The following TDRD9 variants were observed in gnomAD, a reference collection of about 807,000 sequenced individuals.
TDRD9 encodes ATP-dependent RNA helicase TDRD9.
A neutral mutation model predicts 172.6 loss-of-function variants in TDRD9; 124 were observed. The observed-to-expected ratio is 0.72, with a 90% confidence interval of 0.62 to 0.83. TDRD9 has a LOEUF of 0.83. Among genes scored for constraint, TDRD9 ranks in the 40% least tolerant of loss-of-function variants. TDRD9 has a pLI of 0.00. For synonymous variants in TDRD9, 619 were observed against 617.1 expected (o/e 1.00, Z -0.05); for missense variants, 1,479 against 1,714.1 (o/e 0.86, Z 2.42).
chr14:104,014,303 A>G (rs1415209856), intron 20 of TDRD9, among the ~76,000 whole-genome samples: 1 of 150,780 alleles, frequency 6.6e-6, no homozygotes, highest in Non-Finnish European at 1.5e-5. Flanking sequence ...TTTTGGAGAC[A>G]GAATCTTACT....
chr14:104,051,403 T>C (rs2035932800), intron 35 of TDRD9, among the ~76,000 whole-genome samples: 1 of 152,250 alleles, frequency 6.6e-6, no homozygotes, highest in African/African-American at 2.4e-5. Context: ...AATAGTGCTG[T>C]GGTGAATATG....
intron 35 of TDRD9, 193 bp downstream of exon 35, chr14:104,049,873 A>G (rs2035891726): frequency 5.6e-6 from 3 of 537,016 alleles, no homozygotes; most frequent in South Asian, 3.0e-5. Flanking sequence ...AGTGTCTTCT[A>G]TGTGATGTCC....
intron 2 of TDRD9, among the ~76,000 whole-genome samples, chr14:103,957,887 T>G (rs2032322896): frequency 6.6e-6 from 1 of 152,184 alleles, no homozygotes; most frequent in Non-Finnish European, 1.5e-5. Flanking sequence ...GAAGTGTCTG[T>G]TCTCATACTT....
Position 104,014,748 on chromosome 14 carries a change from G to GCC in TDRD9, c.2130_2131insCC (p.Lys711ProfsTer55), listed in dbSNP as rs762115498. 1 of 1,609,802 alleles carries GCC rather than the reference G, an allele frequency of 6.2e-7. No homozygotes were observed. Among genetic ancestry groups the GCC allele is most frequent in the African/African-American group, 1.3e-5 (1 of 74,850 alleles). On this transcript the variant is annotated frameshift_variant, in exon 21 of 36. Coordinates refer to ENST00000409874, the MANE Select transcript of TDRD9 (RefSeq NM_153046.3). LOFTEE classifies it high-confidence loss of function. ...AGGTGGCTGAATTATATGAAGAATTGAAGACTAGAATCTCACAGTTCAACA... is the reference window on the plus strand; with the variant it reads ...AGGTGGCTGAATTATATGAAGAATTGCCAAGACTAGAATCTCACAGTTCAACA...
chr14:103,976,841 A>G lies in TDRD9; in HGVS notation c.1011+1288A>G, dbSNP rs961303690. Among the ~76,000 whole-genome samples, 11 of 152,024 alleles carry G rather than the reference A, an allele frequency of 7.2e-5. No homozygotes were observed. In the South Asian group the frequency reaches 1.9e-3, roughly 26 times the overall value. On this transcript the variant is annotated intron_variant, in intron 7 of 35. Transcript: ENST00000409874. Reference sequence around the variant, plus strand: ...CTTTGCATTTTTGCCAGCATTTGTCATATTTTGTCTTTTATTTTTACTTAT... The same window carrying G: ...CTTTGCATTTTTGCCAGCATTTGTCGTATTTTGTCTTTTATTTTTACTTAT...
chr14:103,969,531 C>G (rs1434849906), intron 5 of TDRD9, among the ~76,000 whole-genome samples: 1 of 152,086 alleles, frequency 6.6e-6, no homozygotes, highest in African/African-American at 2.4e-5. Flanking sequence ...TTTTGTTTTT[C>G]TTTTCTCTAT....
chr14:104,044,652 A>T (rs555473591), intron 34 of TDRD9, among the ~76,000 whole-genome samples: 23 of 152,278 alleles, frequency 1.5e-4, no homozygotes, highest in African/African-American at 5.3e-4. Flanking sequence ...ATAATATTTC[A>T]TTGTTTGTTA....
intron 11 of TDRD9, among the ~76,000 whole-genome samples, chr14:103,995,399 G>A (rs898057383): frequency 6.6e-6 from 1 of 152,190 alleles, no homozygotes; most frequent in Admixed American, 6.5e-5. Flanking sequence ...TCTAGGGCAA[G>A]TACAGGCAAC....
chr14:103,953,335 A>G (rs2032040743), intron 1 of TDRD9, among the ~76,000 whole-genome samples: 1 of 152,180 alleles, frequency 6.6e-6, no homozygotes, highest in Non-Finnish European at 1.5e-5. Context: ...TGCACCTGGT[A>G]CACTGTTATT....
chr14:104,003,125 G>C (rs1428877964), intron 13 of TDRD9, among the ~76,000 whole-genome samples: 1 of 151,992 alleles, frequency 6.6e-6, no homozygotes, highest in African/African-American at 2.4e-5. Flanking sequence ...TGTTTATTTG[G>C]TCTCAGATCT....
chr14:104,035,198 G>T (rs1224478785), intron 32 of TDRD9, 142 bp downstream of exon 32: 5 of 623,294 alleles, frequency 8.0e-6, no homozygotes, highest in African/African-American at 1.9e-5. Context: ...GGTGAAGCCT[G>T]TATTGTTATT....
chr14:103,941,464 C>T (rs2031228504), intron 1 of TDRD9: 1 of 1,535,244 alleles, frequency 6.5e-7, no homozygotes, highest in African/African-American at 1.4e-5. Flanking sequence ...TGTCTTTGTT[C>T]AGTCACTGGG....
chr14:103,928,659 T>G lies in TDRD9; in HGVS notation c.150T>G (p.Ala50=), dbSNP rs1291258557. 2 of 1,244,676 alleles carry G rather than the reference T, an allele frequency of 1.6e-6. No homozygotes were observed. Among genetic ancestry groups the G allele is most frequent in the Non-Finnish European group, 2.0e-6 (2 of 983,214 alleles). The allele number at this position is 1,244,676 out of a possible 1,614,324, so 77.1% of individuals were successfully genotyped here. A position where few individuals can be genotyped will look rare whatever the true frequency, so the allele number is the denominator to read the frequency against. Reference sequence around the variant, plus strand: ...AGCGCCAGGACGTGGCCCCCGGCGCTGGTCCCGCGGCCCAGGCTCCGGCTC... The same window carrying G: ...AGCGCCAGGACGTGGCCCCCGGCGCGGGTCCCGCGGCCCAGGCTCCGGCTC... ...EVQRQDVAPG[A]GPAAQAPALA... is the part of the protein sequence containing the mutation. Residue 50 remains alanine, a synonymous_variant, in exon 1 of 36, where the codon GCT becomes GCG. Coordinates refer to ENST00000409874, the MANE Select transcript of TDRD9 (RefSeq NM_153046.3).
chr14:103,991,759 A>ATTT (rs5811125), intron 9 of TDRD9, among the ~76,000 whole-genome samples: 5 of 143,164 alleles, frequency 3.5e-5, no homozygotes, highest in African/African-American at 1.0e-4. Flanking sequence ...TAAGAGTTCA[A>ATTT]TTTTTTTTTT....
At chr14:103,992,056 T>C (rs2033889688) in intron 9 of TDRD9, among the ~76,000 whole-genome samples, 1 of 152,206 alleles carries the variant, frequency 6.6e-6, no homozygotes, top group South Asian at 2.1e-4. Flanking sequence ...TGAAAGCTTA[T>C]TTAGTAATAG....
chr14:103,992,924 C>CAAAAAAA (rs35212615), intron 9 of TDRD9, among the ~76,000 whole-genome samples: 4 of 58,866 alleles, frequency 6.8e-5, no homozygotes, highest in Admixed American at 2.2e-4. Flanking sequence ...GACTCCATCT[C>CAAAAAAA]AAAAAAAAAA....
intron 30 of TDRD9, among the ~76,000 whole-genome samples, chr14:104,032,875 G>A (rs1350503155): frequency 6.6e-6 from 1 of 152,190 alleles, no homozygotes; most frequent in Non-Finnish European, 1.5e-5. Context: ...AGCCACCCTT[G>A]AAAGATCATG....
chr14:104,015,288 G>A (rs1484694629), intron 21 of TDRD9, among the ~76,000 whole-genome samples: 1 of 152,228 alleles, frequency 6.6e-6, no homozygotes, highest in African/African-American at 2.4e-5. Context: ...TAGCTGGAAT[G>A]TAGCGAGTGA....
intron 6 of TDRD9, among the ~76,000 whole-genome samples, chr14:103,971,644 C>T (rs944305533): frequency 7.2e-5 from 11 of 152,060 alleles, no homozygotes; most frequent in Non-Finnish European, 1.3e-4. Context: ...AAACTGATGA[C>T]GCTTAAAATT....
Sources: gnomAD v4.1 joint callset for allele counts (sites outside exome capture counted in the v4.1 genomes callset) on GRCh38, gnomAD v4.1.1 for gene constraint, MANE v1.5 for transcripts, NCBI Gene and HGNC (gene_info 2026-07-23, HGNC 2026-07-21) for gene names.